TET2: variants seen among roughly 807,000 people sequenced by gnomAD.
TET2 encodes methylcytosine dioxygenase TET2.
In TET2, 299 loss-of-function variants were observed where a neutral mutation model predicts 142.9. The observed-to-expected ratio is 2.09, with a 90% CI of 1.90 to 2.30. The LOEUF (loss-of-function observed/expected upper bound fraction) is 2.30, where lower values mean the gene tolerates loss of function less well. Ranked by LOEUF, TET2 falls within the 30% of genes most tolerant of loss-of-function variation. The pLI, the probability that TET2 is intolerant of heterozygous loss-of-function variation, is 0.00. For missense variants in TET2, 2,418 were observed against 2,378.0 expected, an observed-to-expected ratio of 1.02 and a Z score of -0.35; for synonymous variants, 819 against 849.0, an observed-to-expected ratio of 0.96 and a Z score of 0.61.
chr4:105,191,480 T>C (rs1007789180), intron 2 of TET2, among the ~76,000 whole-genome samples: 1 of 152,210 alleles, frequency 6.6e-6, no homozygotes, highest in Non-Finnish European at 1.5e-5. Flanking sequence ...GGAGAGACTC[T>C]GGATTAGATA....
rs1382906693 is a variant in TET2 at position 105,235,207 on chromosome 4, G to A, written c.1265G>A (p.Gly422Glu). Residue 422 changes from glycine (G) to glutamate (E), a missense_variant, in exon 3 of 11, where the codon GGA becomes GAA. By Grantham distance (98) the Gly-to-Glu change is moderately conservative (BLOSUM62 -2). Transcript: ENST00000380013. ...LPQVPQLPSE[G>E]KSTLNGGVLE... ...CAGGTTCCTCAGCTTCCTTCAGAAG[G>A]AAAAAGCACTCTGAATGGTGGAGTT... 1.9e-6 allele frequency: 3 copies of A among 1,613,878 alleles called. No homozygotes were observed. The highest frequency in any genetic ancestry group is 2.5e-6 in the Non-Finnish European group (3 of 1,179,974).
chr4:105,275,026 TTCTC>T lies in TET2; in HGVS notation c.4538-18_4538-15del. 1 of 1,475,430 alleles carries T rather than the reference TTCTC, an allele frequency of 6.8e-7. No individual in the cohort carries two copies. The highest frequency in any genetic ancestry group is 9.0e-7 in the Non-Finnish European group (1 of 1,113,802). The allele number at this position is 1,475,430 out of a possible 1,614,324, so 91.4% of individuals were successfully genotyped here. ...TCAACATCAAAGATACCTGTTTCTGTTCTCTCTTACCCTGTCCACAGAACTTTTG... is the reference window on the plus strand; with the variant it reads ...TCAACATCAAAGATACCTGTTTCTGTTCTTACCCTGTCCACAGAACTTTTG... On this transcript the variant is annotated intron_variant, in intron 10 of 10. Transcript: ENST00000380013.
chr4:105,166,911 T>C (rs1282608621), intron 1 of TET2, among the ~76,000 whole-genome samples: 1 of 152,110 alleles, frequency 6.6e-6, no homozygotes, highest in Admixed American at 6.5e-5. Flanking sequence ...CCTCCAGATA[T>C]GGCTCTGTTA....
At chr4:105,185,502 C>G (rs930722205) in intron 1 of TET2, among the ~76,000 whole-genome samples, 1 of 152,042 alleles carries the variant, frequency 6.6e-6, no homozygotes, top group African/African-American at 2.4e-5. Context: ...ACAGTGAGAC[C>G]AGGCGCAGTG....
chr4:105,235,572 C>CGA lies in TET2; in HGVS notation c.1633_1634dup (p.Asp545GlufsTer17). On this transcript the variant is annotated frameshift_variant, in exon 3 of 11. Transcript: ENST00000380013. LOFTEE classifies it high-confidence loss of function. ...CAAAGAGCAAGAGATTCTGAAGGGTCGAGACAAGGAGCAAACACGAGATCT... is the reference window on the plus strand; with the variant it reads ...CAAAGAGCAAGAGATTCTGAAGGGTCGAGAGACAAGGAGCAAACACGAGATCT... 6.2e-7 allele frequency: 1 copy of CGA among 1,614,088 alleles called. No individual in the cohort carries two copies. The highest frequency in any genetic ancestry group is 8.5e-7 in the Non-Finnish European group (1 of 1,179,992).
At chr4:105,205,801 T>C (rs1246842864) in intron 2 of TET2, among the ~76,000 whole-genome samples, 1 of 151,958 alleles carries the variant, frequency 6.6e-6, no homozygotes, top group Non-Finnish European at 1.5e-5. Flanking sequence ...CTGGCTAATT[T>C]TTTTCTATTT....
chr4:105,237,283 C>A lies in TET2; in HGVS notation c.3341C>A (p.Thr1114Asn). The change falls in exon 3 of 11, where the codon ACT becomes AAT. Residue 1114 changes from threonine to asparagine, a missense_variant. By Grantham distance (65) the Thr-to-Asn change is moderately conservative. Transcript: ENST00000380013. ...GAGTCACCTTCCAAATTACTAGATACTCCTATAAAAAATTTATTGGATACA... is the reference window on the plus strand; with the variant it reads ...GAGTCACCTTCCAAATTACTAGATAATCCTATAAAAAATTTATTGGATACA... ...FIESPSKLLDTPIKNLLDTPV... is the reference protein window; with the variant it reads ...FIESPSKLLDNPIKNLLDTPV... 6.2e-7 allele frequency: 1 copy of A among 1,614,056 alleles called. No individual in the cohort carries two copies. Among genetic ancestry groups the A allele is most frequent in the Non-Finnish European group, 8.5e-7 (1 of 1,179,934 alleles).
chr4:105,217,362 A>G (rs1466656534), intron 2 of TET2, among the ~76,000 whole-genome samples: 1 of 152,108 alleles, frequency 6.6e-6, no homozygotes, highest in Non-Finnish European at 1.5e-5. Context: ...CTTGAAAATG[A>G]ACTCAGAACT....
At chr4:105,251,337 T>C (rs1560558405) in intron 6 of TET2, among the ~76,000 whole-genome samples, 1 of 152,200 alleles carries the variant, frequency 6.6e-6, no homozygotes, top group Non-Finnish European at 1.5e-5. Context: ...TTTTAGTTTT[T>C]CACCATTAAG....
intron 2 of TET2, among the ~76,000 whole-genome samples, chr4:105,200,424 A>G (rs996189684): frequency 2.0e-5 from 3 of 151,334 alleles, no homozygotes; most frequent in Non-Finnish European, 4.4e-5. Context: ...TGTAAATTTA[A>G]GATCCTTATA....
At chr4:105,237,592 CCT>C in intron 3 of TET2, 1 of 1,468,254 alleles carries the variant, frequency 6.8e-7, no homozygotes, top group Non-Finnish European at 9.0e-7. Flanking sequence ...TTTATTTTTC[CCT>C]CTCTTCAGAT....
intron 2 of TET2, among the ~76,000 whole-genome samples, chr4:105,222,251 A>G (rs1388996672): frequency 6.6e-6 from 1 of 152,218 alleles, no homozygotes; most frequent in Non-Finnish European, 1.5e-5. Context: ...GGCTCAGTCA[A>G]ATGGTATTTC....
chr4:105,221,138 TTTA>T (rs902082360), intron 2 of TET2, among the ~76,000 whole-genome samples: 6 of 152,124 alleles, frequency 3.9e-5, no homozygotes, highest in South Asian at 2.1e-4. Flanking sequence ...TATGTTTATC[TTTA>T]TTATTATTAT....
At chr4:105,237,819 A>G (rs1729048929) in intron 3 of TET2, 1 of 1,110,656 alleles carries the variant, frequency 9.0e-7, no homozygotes, top group African/African-American at 1.7e-5. Context: ...GGAAATTATT[A>G]TCTTCAGTCT....
chr4:105,248,160 A>G (rs1729679562), intron 6 of TET2, among the ~76,000 whole-genome samples: 1 of 152,188 alleles, frequency 6.6e-6, no homozygotes, highest in Non-Finnish European at 1.5e-5. Flanking sequence ...AGTGATATTA[A>G]GAGTGTTTAG....
Position 105,236,612 on chromosome 4 carries a change from AC to A in TET2, c.2671del (p.Gln891AsnfsTer30). 6.2e-7 allele frequency: 1 copy of A among 1,614,124 alleles called. No individual in the cohort carries two copies. Among genetic ancestry groups the A allele is most frequent in the Non-Finnish European group, 8.5e-7 (1 of 1,180,014 alleles). On this transcript the variant is annotated frameshift_variant, in exon 3 of 11. Transcript: ENST00000380013. LOFTEE classifies it high-confidence loss of function. ...GCTTTCAAGAACAGGAGCAGAAGTC[AC>A]AACAAGCTTCAGTTCTACAGGGATA... ...RCFQEQEQKS[Q>X]QASVLQGYKN...
intron 6 of TET2, among the ~76,000 whole-genome samples, chr4:105,248,887 T>C (rs1222721149): frequency 6.6e-6 from 1 of 152,106 alleles, no homozygotes; most frequent in African/African-American, 2.4e-5. Flanking sequence ...ATTCTGGGCA[T>C]TTTGTATTAG....
chr4:105,173,219 T>G (rs1398377401), intron 1 of TET2, among the ~76,000 whole-genome samples: 5 of 151,982 alleles, frequency 3.3e-5, no homozygotes, highest in Admixed American at 2.0e-4. Flanking sequence ...ACCAAAACGA[T>G]AAGTTCCAAC....
At chr4:105,169,480 T>C (rs188719542) in intron 1 of TET2, among the ~76,000 whole-genome samples, 5 of 152,302 alleles carry the variant, frequency 3.3e-5, no homozygotes, top group Admixed American at 2.0e-4. Context: ...TAGATATTAG[T>C]CCTTTGCCGG....
Sources: gnomAD v4.1 joint callset for allele counts (sites outside exome capture counted in the v4.1 genomes callset) on GRCh38, gnomAD v4.1.1 for gene constraint, MANE v1.5 for transcripts, NCBI Gene and HGNC (gene_info 2026-07-23, HGNC 2026-07-21) for gene names.